The following SAMD3 variants were observed in gnomAD, a reference collection of about 807,000 sequenced individuals.
The protein encoded by SAMD3 is sterile alpha motif domain containing 3, also known as sterile alpha motif domain-containing protein 3.
In SAMD3, 63 loss-of-function variants were observed where a neutral mutation model predicts 58.5. The ratio of observed to expected loss-of-function variants is 1.08; its 90% CI spans 0.88 to 1.33. The LOEUF (loss-of-function observed/expected upper bound fraction) is 1.33, where lower values mean the gene tolerates loss of function less well. Ranked by LOEUF, SAMD3 falls within the 40% of genes most tolerant of loss-of-function variation. SAMD3 has a pLI of 0.00. For missense variants in SAMD3, 604 were observed against 608.4 expected, an observed-to-expected ratio of 0.99 and a Z score of 0.08; for synonymous variants, 220 against 210.3, an observed-to-expected ratio of 1.05 and a Z score of -0.40.
chr6:130,217,098 G>A (rs1323045419), intron 1 of SAMD3, among the ~76,000 whole-genome samples: 1 of 151,998 alleles, frequency 6.6e-6, no homozygotes, highest in Non-Finnish European at 1.5e-5. Context: ...AAACAAAACA[G>A]GTTAAATTAT....
rs1209874467 is a variant in SAMD3, at chr6:130,154,886, C to T, written c.962G>A (p.Gly321Asp). The change falls in exon 9 of 12, where the codon GGC becomes GAC. Residue 321 changes from glycine (G) to aspartate (D), a missense_variant. Coordinates refer to ENST00000439090, the MANE Select transcript of SAMD3 (RefSeq NM_001017373.4). ...QTLEIRRKMI[G>D]SRTPLKDILK... ...AATGTCCTTCAGAGGTGTTCGGCTG[C>T]CAATCATCTTTCTTCTTATTTCCAA... is the stretch of plus-strand genomic sequence containing the variant. 1.2e-6 allele frequency: 2 copies of T among 1,613,366 alleles called. No homozygotes were observed. The highest frequency in any genetic ancestry group is 1.1e-5 in the South Asian group (1 of 91,062).
At chr6:130,291,870 T>C (rs978087344) in intron 2 of SAMD3, among the ~76,000 whole-genome samples, 8 of 152,208 alleles carry the variant, frequency 5.3e-5, no homozygotes, top group African/African-American at 1.9e-4. Context: ...AGTCACAGTA[T>C]GTGGGCAAAT....
Position 130,222,923 on chromosome 6 carries a change from T to C in SAMD3, c.-297A>G, listed in dbSNP as rs889395271. 1 of 152,220 alleles carries C rather than the reference T, an allele frequency of 6.6e-6. No individual in the cohort carries two copies. Among genetic ancestry groups the C allele is most frequent in the Non-Finnish European group, 1.5e-5 (1 of 68,036 alleles). The allele number at this position is 152,220 out of a possible 1,614,324, so 9.4% of individuals were successfully genotyped here. A position where few individuals can be genotyped will look rare whatever the true frequency, so the allele number is the denominator to read the frequency against. On this transcript the variant is annotated 5_prime_UTR_variant, in exon 1 of 12. Transcript: ENST00000439090. ...TTTCTGAATGGCAGCAACTGAGCAGTGGCTGCCCCATTGAAAGACAGCAAG... is the reference window on the plus strand; with the variant it reads ...TTTCTGAATGGCAGCAACTGAGCAGCGGCTGCCCCATTGAAAGACAGCAAG...
At chr6:130,277,514 T>C (rs570668275) in intron 2 of SAMD3, among the ~76,000 whole-genome samples, 1 of 152,356 alleles carries the variant, frequency 6.6e-6, no homozygotes, top group South Asian at 2.1e-4. Flanking sequence ...CATCTTGTTC[T>C]ATTAAACATT....
intron 1 of SAMD3, among the ~76,000 whole-genome samples, chr6:130,327,077 C>A (rs1046205655): frequency 6.6e-6 from 1 of 152,072 alleles, no homozygotes; most frequent in Non-Finnish European, 1.5e-5. Context: ...CCAGTATGTA[C>A]CTCATAAATT....
intron 2 of SAMD3, among the ~76,000 whole-genome samples, chr6:130,289,172 G>A (rs1476456119): frequency 6.6e-6 from 1 of 152,186 alleles, no homozygotes; most frequent in Non-Finnish European, 1.5e-5. Flanking sequence ...TTAAATGCTA[G>A]AAGTACTTTA....
chr6:130,151,588 T>C (rs1789194074), intron 9 of SAMD3, among the ~76,000 whole-genome samples: 1 of 152,078 alleles, frequency 6.6e-6, no homozygotes, highest in Admixed American at 6.5e-5. Flanking sequence ...ATTACAGGCA[T>C]GTGCCACCAC....
At chr6:130,325,600 T>C (rs980315924) in intron 1 of SAMD3, among the ~76,000 whole-genome samples, 4 of 152,098 alleles carry the variant, frequency 2.6e-5, no homozygotes, top group African/African-American at 7.2e-5. Flanking sequence ...GCTCATCTCT[T>C]CTGGAAACAT....
chr6:130,143,533 C>T (rs946427357), downstream of SAMD3, among the ~76,000 whole-genome samples: 2 of 152,106 alleles, frequency 1.3e-5, no homozygotes, highest in Admixed American at 6.5e-5. Flanking sequence ...TGTGAGCCAC[C>T]GTGCCCGGCC....
At chr6:130,287,278 A>G (rs554155321) in intron 2 of SAMD3, among the ~76,000 whole-genome samples, 8 of 152,324 alleles carry the variant, frequency 5.3e-5, no homozygotes, top group African/African-American at 1.2e-4. Context: ...CATTTTATAC[A>G]TATGCTTATT....
chr6:130,184,390 G>T (rs780082893), intron 6 of SAMD3, 48 bp downstream of exon 6: 2 of 1,572,384 alleles, frequency 1.3e-6, no homozygotes, highest in South Asian at 2.3e-5. Flanking sequence ...ACTCTATTCT[G>T]AAACAGACCC....
chr6:130,210,195 C>CA (rs1795411991), intron 4 of SAMD3, among the ~76,000 whole-genome samples: 1 of 152,206 alleles, frequency 6.6e-6, no homozygotes, highest in Non-Finnish European at 1.5e-5. Context: ...AGAACAACAA[C>CA]AAAAAGCAAC....
intron 1 of SAMD3, among the ~76,000 whole-genome samples, chr6:130,352,337 T>C (rs1306706229): frequency 6.6e-6 from 1 of 152,170 alleles, no homozygotes; most frequent in Non-Finnish European, 1.5e-5. Flanking sequence ...CCATTAAAAT[T>C]ATTTCAGCAG....
intron 2 of SAMD3, among the ~76,000 whole-genome samples, chr6:130,284,160 C>A (rs1775080231): frequency 6.6e-6 from 1 of 152,124 alleles, no homozygotes; most frequent in African/African-American, 2.4e-5. Context: ...GCCTAAGAAG[C>A]ATTTCTTACA....
chr6:130,145,796 T>G (rs537573639), intron 10 of SAMD3, among the ~76,000 whole-genome samples: 1 of 152,186 alleles, frequency 6.6e-6, no homozygotes, highest in East Asian at 1.9e-4. Context: ...TTGGAAAAAT[T>G]CTTTTTTTTC....
chr6:130,283,382 C>G (rs1201146275), intron 2 of SAMD3, among the ~76,000 whole-genome samples: 1 of 152,008 alleles, frequency 6.6e-6, no homozygotes, highest in Non-Finnish European at 1.5e-5. Context: ...TATATGAATC[C>G]TTAGATTAAG....
downstream of SAMD3, chr6:130,143,790 T>C (rs1162987839): frequency 6.6e-6 from 1 of 152,202 alleles, no homozygotes; most frequent in African/African-American, 2.4e-5. Flanking sequence ...CACTGAGTCT[T>C]GTTAGACCCA....
chr6:130,331,130 A>C (rs1048716770), intron 1 of SAMD3, among the ~76,000 whole-genome samples: 1 of 152,244 alleles, frequency 6.6e-6, no homozygotes, highest in African/African-American at 2.4e-5. Context: ...TAGAATTTGC[A>C]TGAAGCTCCC....
chr6:130,248,173 G>C (rs2114905190), intron 2 of SAMD3, among the ~76,000 whole-genome samples: 1 of 126,446 alleles, frequency 7.9e-6, no homozygotes, highest in Middle Eastern at 3.7e-3. Flanking sequence ...ATTTTTAAGT[G>C]TTTTGCGTGT....
Sources: gnomAD v4.1 joint callset for allele counts (sites outside exome capture counted in the v4.1 genomes callset) on GRCh38, gnomAD v4.1.1 for gene constraint, MANE v1.5 for transcripts, NCBI Gene and HGNC (gene_info 2026-07-23, HGNC 2026-07-21) for gene names.